The following TJP1 variants were observed in gnomAD, a reference collection of about 807,000 sequenced individuals.
The protein encoded by TJP1 is tight junction protein 1.
Under a neutral mutation model 194.2 loss-of-function variants are expected in TJP1, and 43 were observed. The observed-to-expected ratio is 0.22, with a 90% CI of 0.17 to 0.29. The LOEUF is 0.29. Ranked by LOEUF, TJP1 falls within the 10% of genes least tolerant of loss-of-function variation. The pLI, the probability that TJP1 is intolerant of heterozygous loss-of-function variation, is 1.00. For synonymous variants in TJP1, 801 were observed against 779.0 expected, an observed-to-expected ratio of 1.03 and a Z score of -0.47; for missense variants, 1,971 against 2,185.7, an observed-to-expected ratio of 0.90 and a Z score of 1.96.
chr15:29,906,090 G>T (rs2053798891), intron 2 of TJP1, among the ~76,000 whole-genome samples: 1 of 152,164 alleles, frequency 6.6e-6, no homozygotes. Context: ...TTAATAGTGA[G>T]GGAGGCTATG....
At chr15:29,888,559 A>G (rs542069363) in intron 2 of TJP1, among the ~76,000 whole-genome samples, 4 of 152,376 alleles carry the variant, frequency 2.6e-5, no homozygotes, top group African/African-American at 9.6e-5. Flanking sequence ...AATTAAACGT[A>G]TATTAAAGAG....
chr15:29,843,186 C>CTTTTTTTTTTTTTTTTTTTTTTTTTT, intron 2 of TJP1, among the ~76,000 whole-genome samples: 1 of 69,432 alleles, frequency 1.4e-5, no homozygotes, highest in Non-Finnish European at 3.2e-5. Flanking sequence ...TTTTTCTTTT[C>CTTTTTTTTTTTTTTTTTTTTTTTTTT]TTTTTTTTTT....
At chr15:29,799,894 TTC>T (rs773351728) in intron 2 of TJP1, among the ~76,000 whole-genome samples, 9 of 152,330 alleles carry the variant, frequency 5.9e-5, no homozygotes, top group East Asian at 1.9e-4. Context: ...TATTTAAATA[TTC>T]TCTCTTTCCA....
At position 29,718,628 on chromosome 15, in the gene TJP1, T is replaced by C; in HGVS notation, c.3514A>G (p.Arg1172Gly). The change falls in exon 21 of 28, where the codon AGA becomes GGA. Residue 1172 changes from arginine (R) to glycine (G), a missense_variant. Transcript: ENST00000614355. ...GAAGGGTGGGGCTGGGCTTCCGGTCTGAGTCTACCATGTGTGTCATACCCA... is the reference window on the plus strand; with the variant it reads ...GAAGGGTGGGGCTGGGCTTCCGGTCCGAGTCTACCATGTGTGTCATACCCA... ...APGYDTHGRL[R>G]PEAQPHPSAG... is the part of the protein sequence containing the mutation. 6.2e-7 allele frequency: 1 copy of C among 1,614,226 alleles called. No homozygotes were observed. Among genetic ancestry groups the C allele is most frequent in the Non-Finnish European group, 8.5e-7 (1 of 1,180,044 alleles).
At chr15:29,855,787 T>C (rs2051825705) in intron 2 of TJP1, among the ~76,000 whole-genome samples, 1 of 151,160 alleles carries the variant, frequency 6.6e-6, no homozygotes, top group African/African-American at 2.4e-5. Flanking sequence ...ACTCAGGAGA[T>C]GGAGGCTTCA....
intron 2 of TJP1, among the ~76,000 whole-genome samples, chr15:29,859,982 C>T (rs569627055): frequency 3.2e-4 from 48 of 152,168 alleles, no homozygotes; most frequent in African/African-American, 1.1e-3. Flanking sequence ...TGCTGTGAAA[C>T]CCAACAGCTC....
At chr15:29,786,436 T>C (rs1021980835) in intron 2 of TJP1, among the ~76,000 whole-genome samples, 3 of 152,220 alleles carry the variant, frequency 2.0e-5, no homozygotes, top group African/African-American at 7.2e-5. Context: ...ATTGCATGTA[T>C]AGAGAGACCT....
chr15:29,878,841 C>T (rs1010446709), intron 2 of TJP1, among the ~76,000 whole-genome samples: 3 of 151,998 alleles, frequency 2.0e-5, no homozygotes, highest in Non-Finnish European at 2.9e-5. Context: ...AACGCCCATG[C>T]TGGCCGGGCG....
At chr15:29,754,960 A>G (rs910827029) in intron 8 of TJP1, among the ~76,000 whole-genome samples, 14 of 152,226 alleles carry the variant, frequency 9.2e-5, no homozygotes, top group Non-Finnish European at 1.8e-4. Context: ...ACAATTATGG[A>G]AGGTAGAGGA....
At position 29,869,964 on chromosome 15, in the gene TJP1, G is replaced by A. The variant is rs557673444; in HGVS notation, c.307-69262C>T. Among the ~76,000 whole-genome samples the A allele has an allele frequency of 2.1e-3, 320 of 151,592 alleles. 1 individual carries two copies. Among genetic ancestry groups the A allele is most frequent in the African/African-American group, 7.4e-3 (305 of 41,340 alleles). Reference sequence around the variant, plus strand: ...TGGGATTATAAGTGCCCACCACCACGTCTGGCTAATTTTTTTGTATTTTTA... The same window carrying A: ...TGGGATTATAAGTGCCCACCACCACATCTGGCTAATTTTTTTGTATTTTTA... On this transcript the variant is annotated intron_variant, in intron 2 of 28. Coordinates refer to the TJP1 transcript ENST00000356107.
chr15:29,710,918 G>T lies in TJP1; in HGVS notation c.4285C>A (p.Pro1429Thr). 1 of 1,614,196 alleles carries T rather than the reference G, an allele frequency of 6.2e-7. No homozygotes were observed. Among genetic ancestry groups the T allele is most frequent in the East Asian group, 2.2e-5 (1 of 44,886 alleles). Residue 1429 changes from proline (P) to threonine (T), a missense_variant, in exon 24 of 28, where the codon CCT becomes ACT. Coordinates refer to ENST00000614355, the MANE Select transcript of TJP1 (RefSeq NM_001330239.4). ...TGGGCATACTGCGAGGGCAATGGAGGAGGAGGGGGAGTGGCCTGGATGGGT... is the reference window on the plus strand; with the variant it reads ...TGGGCATACTGCGAGGGCAATGGAGTAGGAGGGGGAGTGGCCTGGATGGGT... ...YEPIQATPPPPPLPSQYAQPS... is the reference protein window; with the variant it reads ...YEPIQATPPPTPLPSQYAQPS...
At chr15:29,720,795 A>G in intron 18 of TJP1, 87 bp from the exon 19 acceptor site, 1 of 1,088,950 alleles carries the variant, frequency 9.2e-7, no homozygotes, top group East Asian at 2.5e-5. Context: ...TGAAAAGGAT[A>G]TCTTTCTCTG....
rs529086059 is a variant in TJP1, at chr15:29,716,828, G to C, written c.3985C>G (p.Pro1329Ala). 20 of 1,600,194 alleles carry C rather than the reference G, an allele frequency of 1.2e-5. No individual in the cohort carries two copies. In the South Asian group the frequency reaches 1.6e-4, roughly 12 times the overall value. Residue 1329 changes from proline (P) to alanine (A), a missense_variant, in exon 23 of 28, where the codon CCT (proline) becomes GCT (alanine). Pro to Ala is a conservative substitution (Grantham distance 27). This residue lies in a region of TJP1 where 1,108 missense variants were observed against 1,128.5 expected (regional missense o/e 0.98). Coordinates refer to ENST00000614355, the MANE Select transcript of TJP1 (RefSeq NM_001330239.4). ...HDKTLYRIPE[P>A]QKPQLKPPED... ...GGTGGCTTCAGTTGAGGTTTTTGAG[G>C]TTCTGGGATCCTAACAGATAATGAA...
intron 2 of TJP1, among the ~76,000 whole-genome samples, chr15:29,939,165 C>T (rs1047692679): frequency 6.6e-6 from 1 of 152,222 alleles, no homozygotes; most frequent in Non-Finnish European, 1.5e-5. Context: ...ATGCAGCAAA[C>T]ACGGAACATT....
chr15:29,779,476 T>C (rs1007883801), intron 2 of TJP1, among the ~76,000 whole-genome samples: 4 of 152,174 alleles, frequency 2.6e-5, no homozygotes, highest in African/African-American at 4.8e-5. Context: ...ATCTCCTCAT[T>C]TGGCAGTCTT....
chr15:29,735,628 GT>G (rs1455615504), intron 11 of TJP1, among the ~76,000 whole-genome samples: 1 of 150,796 alleles, frequency 6.6e-6, no homozygotes, highest in Non-Finnish European at 1.5e-5. Context: ...TTAAAAAAAT[GT>G]ATGCCCTGAT....
At position 29,704,300 on chromosome 15, in the gene TJP1, T is replaced by C; in HGVS notation, c.5074A>G (p.Thr1692Ala). 1 of 1,592,688 alleles carries C rather than the reference T, an allele frequency of 6.3e-7. No individual in the cohort carries two copies. The highest frequency in any genetic ancestry group is 2.3e-5 in the East Asian group (1 of 44,396). The change falls in exon 27 of 28, where the codon ACA (threonine) becomes GCA (alanine). Residue 1692 changes from threonine to alanine, a missense_variant. Physicochemically the swap from Thr to Ala is moderately conservative, Grantham distance 58. This residue lies in a region of TJP1 where 1,108 missense variants were observed against 1,128.5 expected (regional missense o/e 0.98). Coordinates refer to ENST00000614355, the MANE Select transcript of TJP1 (RefSeq NM_001330239.4). ...LPPLDKEKGE[T>A]LLSPLVMCGP... ...CACATCACCAAAGGACTCAGCAGTGTTTCACCTGGAGTTGGAAAAGGGGAT... is the reference window on the plus strand; with the variant it reads ...CACATCACCAAAGGACTCAGCAGTGCTTCACCTGGAGTTGGAAAAGGGGAT...
At chr15:29,958,615 CAT>C (rs542766399) in intron 1 of TJP1, among the ~76,000 whole-genome samples, 1 of 152,148 alleles carries the variant, frequency 6.6e-6, no homozygotes, top group African/African-American at 2.4e-5. Flanking sequence ...TATATACACA[CAT>C]GTACATTAAC....
At position 29,815,422 on chromosome 15, in the gene TJP1, TC is replaced by T. The variant is rs371311554; in HGVS notation, c.27+6579del. ...TGCAAAGCAAGTTCCAGTCAAATAT[TC>T]CAGGAGGATCATTCTAGACATAAAC... On this transcript the variant is annotated intron_variant, in intron 1 of 27. Transcript: ENST00000614355. 5.0e-3 allele frequency among the ~76,000 whole-genome samples: 764 copies of T among 152,354 alleles called. 6 individuals are homozygous for T. Among genetic ancestry groups the T allele is most frequent in the African/African-American group, 0.017 (709 of 41,590 alleles).
Sources: allele counts gnomAD v4.1 joint callset (sites outside exome capture counted in the v4.1 genomes callset), GRCh38; gene constraint gnomAD v4.1.1; regional missense constraint gnomAD v4.1.1; transcripts MANE v1.5; gene names NCBI Gene and HGNC (gene_info 2026-07-23, HGNC 2026-07-21).